The following LRRTM4 variants were observed in gnomAD, a reference collection of about 807,000 sequenced individuals.
The protein encoded by LRRTM4 is leucine-rich repeat transmembrane neuronal protein 4.
Under a neutral mutation model 47.6 loss-of-function variants are expected in LRRTM4, and 25 were observed. The ratio of observed to expected loss-of-function variants is 0.53; its 90% CI spans 0.38 to 0.73. The LOEUF is 0.73. Among genes scored for constraint, LRRTM4 ranks in the 30% least tolerant of loss-of-function variants. The pLI, the probability that LRRTM4 is intolerant of heterozygous loss-of-function variation, is 0.00. For synonymous variants in LRRTM4, 311 were observed against 269.5 expected, an observed-to-expected ratio of 1.15 and a Z score of -1.51; for missense variants, 638 against 713.4, an observed-to-expected ratio of 0.89 and a Z score of 1.20.
chr2:76,805,455 T>C (rs911211407), intron 3 of LRRTM4, among the ~76,000 whole-genome samples: 4 of 152,142 alleles, frequency 2.6e-5, no homozygotes, highest in Admixed American at 2.6e-4. Context: ...AAGTAACATA[T>C]ATTTAAACAT....
chr2:76,752,485 T>C (rs1032335160), intron 3 of LRRTM4, among the ~76,000 whole-genome samples: 9 of 152,192 alleles, frequency 5.9e-5, no homozygotes, highest in African/African-American at 1.7e-4. Flanking sequence ...ATTTTCTCTA[T>C]TGTAATTGAG....
At chr2:76,817,319 G>T (rs562158050) in intron 3 of LRRTM4, among the ~76,000 whole-genome samples, 1 of 152,044 alleles carries the variant, frequency 6.6e-6, no homozygotes, top group Admixed American at 6.6e-5. Context: ...GATTTAGGTT[G>T]TTGCTAAGTT....
At chr2:77,172,210 G>C (rs1673067619) in intron 3 of LRRTM4, among the ~76,000 whole-genome samples, 1 of 152,124 alleles carries the variant, frequency 6.6e-6, no homozygotes, top group Admixed American at 6.5e-5. Context: ...TTGCAGAATA[G>C]AGTACTATTG....
chr2:76,908,597 T>C (rs549968562), intron 3 of LRRTM4, among the ~76,000 whole-genome samples: 28 of 152,230 alleles, frequency 1.8e-4, no homozygotes, highest in South Asian at 1.0e-3. Flanking sequence ...GAAAACCCCA[T>C]TGTCTCAGCC....
At chr2:77,264,978 A>G (rs1395426678) in intron 3 of LRRTM4, among the ~76,000 whole-genome samples, 1 of 152,140 alleles carries the variant, frequency 6.6e-6, no homozygotes, top group African/African-American at 2.4e-5. Flanking sequence ...TGGTAAAACA[A>G]CAGGATCTTG....
chr2:77,385,063 G>T (rs1476219421), intron 3 of LRRTM4, among the ~76,000 whole-genome samples: 1 of 152,008 alleles, frequency 6.6e-6, no homozygotes, highest in Non-Finnish European at 1.5e-5. Context: ...AGGGAAGAAT[G>T]AAAACACTGT....
chr2:76,998,428 A>G (rs1267316691), intron 3 of LRRTM4, among the ~76,000 whole-genome samples: 3 of 152,064 alleles, frequency 2.0e-5, no homozygotes, highest in Non-Finnish European at 4.4e-5. Context: ...CCCTTCTACT[A>G]TCTATATTAT....
chr2:76,779,570 A>C (rs1558647070), intron 3 of LRRTM4, among the ~76,000 whole-genome samples: 1 of 148,400 alleles, frequency 6.7e-6, no homozygotes, highest in Non-Finnish European at 1.5e-5. Flanking sequence ...TTTATCAGAG[A>C]CTAGGATTGC....
intron 3 of LRRTM4, among the ~76,000 whole-genome samples, chr2:77,343,144 T>G (rs975608033): frequency 6.6e-6 from 1 of 151,916 alleles, no homozygotes; most frequent in Admixed American, 6.6e-5. Context: ...CAACCTCTAT[T>G]TTACTTTAGC....
chr2:76,944,333 G>A (rs756694683), intron 3 of LRRTM4, among the ~76,000 whole-genome samples: 3 of 151,820 alleles, frequency 2.0e-5, no homozygotes, highest in African/African-American at 7.3e-5. Flanking sequence ...TTTTCTTAGG[G>A]GCTCTCATGG....
chr2:76,765,242 A>C, intron 3 of LRRTM4, among the ~76,000 whole-genome samples: 1 of 152,320 alleles, frequency 6.6e-6, no homozygotes, highest in African/African-American at 2.4e-5. Flanking sequence ...GTAGTTTCTC[A>C]GTTCACAGCT....
At chr2:77,271,452 G>A (rs1676189262) in intron 3 of LRRTM4, among the ~76,000 whole-genome samples, 1 of 152,164 alleles carries the variant, frequency 6.6e-6, no homozygotes, top group Non-Finnish European at 1.5e-5. Flanking sequence ...TCCTGTGCCA[G>A]CACCTGGAGC....
intron 3 of LRRTM4, among the ~76,000 whole-genome samples, chr2:76,781,799 A>AT (rs1674411547): frequency 2.0e-5 from 3 of 151,598 alleles, no homozygotes; most frequent in African/African-American, 7.3e-5. Flanking sequence ...TGGCATTTCT[A>AT]TTTTTTTTCC....
At chr2:76,966,412 G>C (rs752596354) in intron 3 of LRRTM4, among the ~76,000 whole-genome samples, 77 of 151,472 alleles carry the variant, frequency 5.1e-4, no homozygotes, top group Non-Finnish European at 8.9e-4. Flanking sequence ...GTGTGTTTTT[G>C]CTCTAGACTC....
At chr2:77,024,678 A>T (rs1678392099) in intron 3 of LRRTM4, among the ~76,000 whole-genome samples, 1 of 152,112 alleles carries the variant, frequency 6.6e-6, no homozygotes, top group Non-Finnish European at 1.5e-5. Context: ...TTACTCACTT[A>T]ACACTTTTCC....
chr2:76,860,742 T>C (rs1014152953), intron 3 of LRRTM4, among the ~76,000 whole-genome samples: 1 of 152,108 alleles, frequency 6.6e-6, no homozygotes, highest in Non-Finnish European at 1.5e-5. Context: ...AAATACAACA[T>C]CTCTTTCTAC....
At chr2:76,771,979 T>C (rs1431841716) in intron 3 of LRRTM4, among the ~76,000 whole-genome samples, 1 of 151,844 alleles carries the variant, frequency 6.6e-6, no homozygotes, top group African/African-American at 2.4e-5. Context: ...ACATAGGGAG[T>C]AGGTATGACA....
chr2:77,201,031 A>G (rs1573069654), intron 3 of LRRTM4, among the ~76,000 whole-genome samples: 2 of 152,262 alleles, frequency 1.3e-5, no homozygotes, highest in Middle Eastern at 6.8e-3. Flanking sequence ...GTTATGGTGT[A>G]AATATACAAC....
intron 3 of LRRTM4, among the ~76,000 whole-genome samples, chr2:76,835,529 A>G (rs1197789120): frequency 1.3e-5 from 2 of 152,056 alleles, no homozygotes; most frequent in Non-Finnish European, 2.9e-5. Context: ...ATTATTTTAG[A>G]GTTGTAATAA....
Sources: allele counts gnomAD v4.1 joint callset (sites outside exome capture counted in the v4.1 genomes callset), GRCh38; gene constraint gnomAD v4.1.1; transcripts MANE v1.5; gene names NCBI Gene and HGNC (gene_info 2026-07-23, HGNC 2026-07-21).